Variants in SYDE2 observed in about 807,000 individuals in gnomAD.
The protein encoded by SYDE2 is synapse defective Rho GTPase homolog 2, also known as rho GTPase-activating protein SYDE2.
SYDE2 carries 76 observed loss-of-function variants against 91.5 expected under a neutral mutation model. The ratio of observed to expected loss-of-function variants is 0.83; its 90% CI spans 0.69 to 1.01. SYDE2 has a LOEUF of 1.01. Among genes scored for constraint, SYDE2 ranks in the 50% least tolerant of loss-of-function variants. The pLI is 0.00. For synonymous variants in SYDE2, 513 were observed against 506.4 expected (o/e 1.01, Z -0.18); for missense variants, 1,364 against 1,367.7 (o/e 1.00, Z 0.04).
At chr1:85,187,537 A>G (rs1160079148) in intron 2 of SYDE2, among the ~76,000 whole-genome samples, 2 of 150,304 alleles carry the variant, frequency 1.3e-5, no homozygotes, top group African/African-American at 4.9e-5. Context: ...AAGGACTATA[A>G]ATCATGCTGC....
At chr1:85,179,480 T>C (rs1450698693) in intron 3 of SYDE2, among the ~76,000 whole-genome samples, 1 of 152,172 alleles carries the variant, frequency 6.6e-6, no homozygotes, top group Non-Finnish European at 1.5e-5. Context: ...AATTGAAAGA[T>C]AGTAAAGAAC....
At chr1:85,172,545 T>C (rs1281312783) in intron 4 of SYDE2, among the ~76,000 whole-genome samples, 1 of 152,160 alleles carries the variant, frequency 6.6e-6, no homozygotes, top group Admixed American at 6.5e-5. Flanking sequence ...TTTACCTTCC[T>C]GCTTGCAACA....
intron 6 of SYDE2, chr1:85,161,116 C>T (rs1355244814): frequency 2.0e-6 from 2 of 985,050 alleles, no homozygotes; most frequent in African/African-American, 3.5e-5. Flanking sequence ...TACCCACCTT[C>T]AGTAGAACAA....
At chr1:85,188,620 C>T (rs990515258) in intron 2 of SYDE2, among the ~76,000 whole-genome samples, 2 of 152,188 alleles carry the variant, frequency 1.3e-5, no homozygotes, top group Admixed American at 6.5e-5. Context: ...GCTATCACTA[C>T]GGGCAACTGG....
In SYDE2 at chr1:85,190,226, G is replaced by A. The variant is rs750124919; in HGVS notation, c.1272C>T (p.Cys424=). ...KAERHTEDSL[C]SSEHAGDIQT... ...GAATATCACCTGCATGTTCGGAAGA[G>A]CACAGTGAGTCTTCAGTATGCCGCT... The change falls in exon 2 of 7, where the codon TGC becomes TGT. Residue 424 remains cysteine (C), a synonymous_variant. Transcript: ENST00000341460. 5 of 1,613,996 alleles carry A rather than the reference G, an allele frequency of 3.1e-6. No individual in the cohort carries two copies. The highest frequency in any genetic ancestry group is 3.3e-5 in the Admixed American group (2 of 60,018).
intron 5 of SYDE2, among the ~76,000 whole-genome samples, chr1:85,165,437 G>A (rs72952616): frequency 0.035 from 5,361 of 152,250 alleles, 328 homozygotes; most frequent in African/African-American, 0.12. Context: ...TTTAAGTACA[G>A]ATAAGTCCTG....
At chr1:85,177,546 C>T (rs1347696713) in intron 4 of SYDE2, among the ~76,000 whole-genome samples, 1 of 152,096 alleles carries the variant, frequency 6.6e-6, no homozygotes, top group East Asian at 1.9e-4. Context: ...TGTCTGGGCT[C>T]CTTCTTTCTC....
downstream of SYDE2, among the ~76,000 whole-genome samples, chr1:85,154,489 A>C (rs1656833764): frequency 8.6e-6 from 1 of 115,754 alleles, no homozygotes; most frequent in African/African-American, 3.3e-5. Context: ...CACCATCACC[A>C]AGTACAGAGG....
intron 5 of SYDE2, among the ~76,000 whole-genome samples, chr1:85,166,320 C>CA (rs1657274291): frequency 6.9e-6 from 1 of 144,662 alleles, no homozygotes; most frequent in African/African-American, 2.6e-5. Flanking sequence ...GCGTGGGTGA[C>CA]AGAGCAAGAC....
intron 6 of SYDE2, among the ~76,000 whole-genome samples, chr1:85,164,145 CATT>C (rs1657178737): frequency 6.6e-6 from 1 of 152,154 alleles, no homozygotes; most frequent in Non-Finnish European, 1.5e-5. Flanking sequence ...ACACTGAGCA[CATT>C]ACATACACAA....
Position 85,182,219 on chromosome 1 carries a change from TTTATA to T in SYDE2, c.2418_2422del (p.Asp806GlufsTer10). The T allele has an allele frequency of 6.2e-7, 1 of 1,609,956 alleles. No homozygotes were observed. On this transcript the variant is annotated frameshift_variant, in exon 3 of 7. Coordinates refer to ENST00000341460, the MANE Select transcript of SYDE2 (RefSeq NM_032184.2). LOFTEE classifies it high-confidence loss of function. ...AACTCCAAATATTATTGGTTCTTGGTTTATATCTAGTCCATGAAGAGAATTCTCCC... is the reference window on the plus strand; with the variant it reads ...AACTCCAAATATTATTGGTTCTTGGTTCTAGTCCATGAAGAGAATTCTCCC...
chr1:85,155,293 T>C (rs1022354110), downstream of SYDE2, among the ~76,000 whole-genome samples: 10 of 152,048 alleles, frequency 6.6e-5, no homozygotes, highest in African/African-American at 2.2e-4. Flanking sequence ...GGTAATTCAA[T>C]AGTATGATTA....
rs1196542869 is a variant in SYDE2, at chr1:85,158,470, C to A, written c.*280G>T. ...TTGAGGGGCTAATAACTTATGTGAA[C>A]CTTCTTAAGTGCATTTGAAAGTTAT... On this transcript the variant is annotated 3_prime_UTR_variant, in exon 7 of 7. Transcript: ENST00000341460. 6.6e-6 allele frequency: 2 copies of A among 304,396 alleles called. No homozygotes were observed. The highest frequency in any genetic ancestry group is 1.2e-5 in the Non-Finnish European group (2 of 169,388). 18.9% of individuals were successfully genotyped at this position (304,396 alleles called of 1,614,324 possible). A position where few individuals can be genotyped will look rare whatever the true frequency, so the allele number is the denominator to read the frequency against.
In SYDE2 at chr1:85,200,769, A is replaced by G; in HGVS notation, c.228T>C (p.Thr76=). 6.6e-7 allele frequency: 1 copy of G among 1,520,800 alleles called. No homozygotes were observed. The highest frequency in any genetic ancestry group is 8.8e-7 in the Non-Finnish European group (1 of 1,139,554). 94.2% of individuals were successfully genotyped at this position (1,520,800 alleles called of 1,614,324 possible). A position where few individuals can be genotyped will look rare whatever the true frequency, so the allele number is the denominator to read the frequency against. The change falls in exon 1 of 7, where the codon ACT becomes ACC. Residue 76 remains threonine, a synonymous_variant. Transcript: ENST00000341460. Reference sequence around the variant, plus strand: ...TGCTGCAGGACGGCCGCATCCGAGGAGTCCGCAGCTGGCCTCCCCGCGGCT... The same window carrying G: ...TGCTGCAGGACGGCCGCATCCGAGGGGTCCGCAGCTGGCCTCCCCGCGGCT... The part of the protein sequence containing the change: ...QREPRGGQLR[T]PRMRPSCSRS...
At chr1:85,167,390 A>T (rs1368056171) in intron 5 of SYDE2, among the ~76,000 whole-genome samples, 1 of 152,212 alleles carries the variant, frequency 6.6e-6, no homozygotes, top group Non-Finnish European at 1.5e-5. Flanking sequence ...CAAAATCTAA[A>T]TATACAAAAG....
chr1:85,156,324 A>C (rs1421067290), downstream of SYDE2, among the ~76,000 whole-genome samples: 1 of 151,880 alleles, frequency 6.6e-6, no homozygotes, highest in Non-Finnish European at 1.5e-5. Context: ...AGGCGGGTGG[A>C]TCGCTTGAGC....
intron 2 of SYDE2, among the ~76,000 whole-genome samples, chr1:85,186,504 G>GA (rs1275129983): frequency 2.0e-5 from 3 of 151,972 alleles, no homozygotes; most frequent in Non-Finnish European, 2.9e-5. Context: ...CATGGAATTG[G>GA]AAAAAACTAC....
chr1:85,155,567 C>G (rs750609444), downstream of SYDE2, among the ~76,000 whole-genome samples: 29 of 152,128 alleles, frequency 1.9e-4, no homozygotes, highest in Non-Finnish European at 3.7e-4. Flanking sequence ...AATTACGTAG[C>G]AAATGACACA....
rs533729107 is a variant in SYDE2, at chr1:85,164,536, T to G, written c.3075A>C (p.Gln1025His). Residue 1025 changes from glutamine (Q) to histidine (H), a missense_variant, in exon 6 of 7, where the codon CAA becomes CAC. By Grantham distance (24) the Gln-to-His change is conservative (BLOSUM62 0). Transcript: ENST00000341460. ...KHIEVLHYLL[Q>H]LWPVQRLTVK... ...CATAGAATCATTTACCTGGCCAGAG[T>G]TGGAGTAAGTAATGAAGAACTTCAA... The G allele has an allele frequency of 1.1e-5, 18 of 1,591,104 alleles. No individual in the cohort carries two copies. Among genetic ancestry groups the G allele is most frequent in the Middle Eastern group, 1.7e-4 (1 of 5,998 alleles).
Sources: gnomAD v4.1 joint callset for allele counts (sites outside exome capture counted in the v4.1 genomes callset) on GRCh38, gnomAD v4.1.1 for gene constraint, MANE v1.5 for transcripts, NCBI Gene and HGNC (gene_info 2026-07-23, HGNC 2026-07-21) for gene names.